The following ACYP2 variants were observed in gnomAD, a reference collection of about 807,000 sequenced individuals.
ACYP2 encodes acylphosphatase 2.
Under a neutral mutation model 11.2 loss-of-function variants are expected in ACYP2, and 12 were observed. That is an observed-to-expected ratio of 1.08 (90% CI 0.69 to 1.74). ACYP2 has a LOEUF of 1.74. Ranked by LOEUF, ACYP2 falls within the 40% of genes most tolerant of loss-of-function variation. The pLI, the probability that ACYP2 is intolerant of heterozygous loss-of-function variation, is 0.00. For missense variants in ACYP2, 134 were observed against 101.9 expected, an observed-to-expected ratio of 1.31 and a Z score of -1.35; for synonymous variants, 43 against 32.2, an observed-to-expected ratio of 1.33 and a Z score of -1.13.
chr2:53,994,488 C>A (rs1461493054), intron 2 of ACYP2, among the ~76,000 whole-genome samples: 41 of 144,860 alleles, frequency 2.8e-4, no homozygotes, highest in African/African-American at 1.0e-3. Flanking sequence ...CACTGCCCTC[C>A]AGCCTGGGTG....
At chr2:54,263,532 G>A (rs1412000031) in intron 6 of ACYP2, among the ~76,000 whole-genome samples, 2 of 152,198 alleles carry the variant, frequency 1.3e-5, no homozygotes, top group East Asian at 3.8e-4. Context: ...GCTGAGATGG[G>A]AGGATCGCTT....
chr2:53,991,810 C>T (rs557320871), intron 2 of ACYP2, among the ~76,000 whole-genome samples: 39 of 151,994 alleles, frequency 2.6e-4, no homozygotes, highest in African/African-American at 8.9e-4. Context: ...TTTTATTTAG[C>T]GATGAGGGCT....
At chr2:54,075,924 A>G (rs1425428361) in intron 4 of ACYP2, among the ~76,000 whole-genome samples, 1 of 152,166 alleles carries the variant, frequency 6.6e-6, no homozygotes, top group Non-Finnish European at 1.5e-5. Context: ...TCATATTGAT[A>G]TTTCTCTTTT....
chr2:54,147,845 AT>A (rs1274884722), intron 6 of ACYP2, among the ~76,000 whole-genome samples: 1 of 151,990 alleles, frequency 6.6e-6, no homozygotes, highest in African/African-American at 2.4e-5. Flanking sequence ...CCTACTAATT[AT>A]TTGTTGAAAC....
intron 6 of ACYP2, among the ~76,000 whole-genome samples, chr2:54,272,570 C>T (rs1029821489): frequency 1.3e-5 from 2 of 152,202 alleles, no homozygotes; most frequent in Admixed American, 6.5e-5. Context: ...AAATAGCAAA[C>T]GATGGAGTAA....
Position 54,234,295 on chromosome 2 carries a change from C to G in ACYP2, c.405-70393C>G, listed in dbSNP as rs541083348. On this transcript the variant is annotated intron_variant, in intron 6 of 6. Coordinates refer to ENST00000607452, the MANE Select transcript of ACYP2 (RefSeq NM_001320586.2). ...AAGTCAACAAGCAAAATGCTTTGAG[C>G]ATTCTCAAAAACTGTTGCCATGACC... Among the ~76,000 whole-genome samples the G allele has an allele frequency of 2.6e-5, 4 of 152,324 alleles. 1 individual carries two copies. The South Asian group carries it at 8.3e-4, about 32-fold the overall frequency.
chr2:54,012,566 A>G (rs964988507), intron 2 of ACYP2, among the ~76,000 whole-genome samples: 4 of 152,224 alleles, frequency 2.6e-5, no homozygotes, highest in Admixed American at 1.3e-4. Context: ...TGCTCTCCCT[A>G]TGCTGACTAG....
chr2:54,219,901 A>ATT (rs1359232223), intron 6 of ACYP2, among the ~76,000 whole-genome samples: 156 of 107,866 alleles, frequency 1.4e-3, no homozygotes, highest in African/African-American at 5.2e-3. Context: ...ATATATATAT[A>ATT]TATATTTTTT....
chr2:54,095,818 C>T (rs1321103356), intron 4 of ACYP2, among the ~76,000 whole-genome samples: 1 of 108,262 alleles, frequency 9.2e-6, no homozygotes, highest in Non-Finnish European at 1.9e-5. Flanking sequence ...CCGGACGGGG[C>T]GGCTGGCCGG....
chr2:54,128,942 C>G (rs1275839989), intron 4 of ACYP2, among the ~76,000 whole-genome samples: 1 of 152,170 alleles, frequency 6.6e-6, no homozygotes, highest in East Asian at 1.9e-4. Context: ...TCTCTGGAAA[C>G]ACCCTTACAG....
At chr2:54,022,720 T>A (rs1674069134) in intron 2 of ACYP2, among the ~76,000 whole-genome samples, 1 of 152,126 alleles carries the variant, frequency 6.6e-6, no homozygotes, top group Non-Finnish European at 1.5e-5. Flanking sequence ...TGAGAAGTGG[T>A]AGATGCAGAA....
At chr2:54,214,639 G>A (rs148842914) in intron 6 of ACYP2, among the ~76,000 whole-genome samples, 148 of 152,312 alleles carry the variant, frequency 9.7e-4, no homozygotes, top group African/African-American at 3.4e-3. Flanking sequence ...TTTGGTTACT[G>A]TAGCCTTGTA....
chr2:54,009,733 C>G (rs140246955), intron 2 of ACYP2, among the ~76,000 whole-genome samples: 42 of 152,232 alleles, frequency 2.8e-4, no homozygotes, highest in African/African-American at 9.1e-4. Flanking sequence ...GGAAGAGAGC[C>G]AAGCTGAGCA....
intron 4 of ACYP2, among the ~76,000 whole-genome samples, chr2:54,110,937 T>A (rs1679429144): frequency 6.6e-6 from 1 of 151,762 alleles, no homozygotes; most frequent in Admixed American, 6.6e-5. Context: ...GGTGGTTGAG[T>A]TCAGAGCAAT....
chr2:54,238,413 AATAG>A (rs1219875731), intron 6 of ACYP2, among the ~76,000 whole-genome samples: 7 of 152,318 alleles, frequency 4.6e-5, no homozygotes, highest in East Asian at 1.9e-4. Context: ...ATGAATGATT[AATAG>A]ATAGAAGATA....
chr2:54,128,060 C>T (rs1558551333), intron 4 of ACYP2, among the ~76,000 whole-genome samples: 1 of 152,070 alleles, frequency 6.6e-6, no homozygotes, highest in Non-Finnish European at 1.5e-5. Context: ...AAAGTGCTTC[C>T]CTTTTGTCCA....
chr2:54,056,759 A>G (rs1309192457), intron 3 of ACYP2, among the ~76,000 whole-genome samples: 1 of 152,146 alleles, frequency 6.6e-6, no homozygotes, highest in African/African-American at 2.4e-5. Flanking sequence ...TTTATTTGCC[A>G]TTTGTCACCT....
At chr2:54,266,669 G>A (rs1255761091) in intron 6 of ACYP2, among the ~76,000 whole-genome samples, 3 of 125,390 alleles carry the variant, frequency 2.4e-5, no homozygotes, top group Admixed American at 1.1e-4. Context: ...GCAGTGGCGC[G>A]ATCTCGGCTC....
intron 2 of ACYP2, among the ~76,000 whole-genome samples, chr2:54,008,229 G>A (rs1298369501): frequency 6.6e-6 from 1 of 152,154 alleles, no homozygotes; most frequent in African/African-American, 2.4e-5. Context: ...AAAACATTCT[G>A]CCTACACACT....
Sources: gnomAD v4.1 joint callset for allele counts (sites outside exome capture counted in the v4.1 genomes callset) on GRCh38, gnomAD v4.1.1 for gene constraint, MANE v1.5 for transcripts, NCBI Gene and HGNC (gene_info 2026-07-23, HGNC 2026-07-21) for gene names.